ZNF790: variants seen among roughly 807,000 people sequenced by gnomAD.
ZNF790 encodes zinc finger protein 790.
A neutral mutation model predicts 12.1 loss-of-function variants in ZNF790; 8 were observed. That is an observed-to-expected ratio of 0.66 (90% CI 0.39 to 1.19). The LOEUF (loss-of-function observed/expected upper bound fraction) is 1.19. Ranked by LOEUF, ZNF790 falls within the 50% of genes most tolerant of loss-of-function variation. The pLI is 0.01. For synonymous variants in ZNF790, 252 were observed against 244.3 expected (o/e 1.03, Z -0.29); for missense variants, 707 against 752.2 (o/e 0.94, Z 0.70).
chr19:36,837,920 G>T (rs537776182), intron 1 of ZNF790: 2 of 152,312 alleles, frequency 1.3e-5, no homozygotes, highest in South Asian at 4.1e-4. Flanking sequence ...CATTCACGAA[G>T]GACTATGCCT....
Position 36,818,606 on chromosome 19 carries a change from G to A in ZNF790, c.1738C>T (p.Gln580Ter), listed in dbSNP as rs546149541. 1.2e-6 allele frequency: 2 copies of A among 1,610,870 alleles called. No individual in the cohort carries two copies. The highest frequency in any genetic ancestry group is 1.7e-5 in the Admixed American group (1 of 59,610). The change falls in exon 5 of 5, where the codon CAA (glutamine) becomes TAA (stop). Residue 580 changes from glutamine to a stop codon, truncating the protein, a stop_gained. Coordinates refer to ENST00000356725, the MANE Select transcript of ZNF790 (RefSeq NM_206894.4). LOFTEE classifies it low-confidence loss of function (END_TRUNC). Reference protein sequence around the residue: ...IFSHHSYFTEQKIHNSANLCE... With the variant: ...IFSHHSYFTE Reference sequence around the variant, plus strand: ...AGATTTGCACTATTATGAATTTTTTGTTCAGTAAAATATGAATGGTGACTA... The same window carrying A: ...AGATTTGCACTATTATGAATTTTTTATTCAGTAAAATATGAATGGTGACTA...
intron 2 of ZNF790, among the ~76,000 whole-genome samples, chr19:36,824,329 C>CA (rs1454151654): frequency 3.3e-5 from 5 of 150,600 alleles, no homozygotes; most frequent in African/African-American, 1.2e-4. Flanking sequence ...TTTTACGAGA[C>CA]AGAGTGTTGC....
intron 4 of ZNF790, among the ~76,000 whole-genome samples, chr19:36,820,920 T>C (rs2071655288): frequency 6.6e-6 from 1 of 150,450 alleles, no homozygotes; most frequent in Non-Finnish European, 1.5e-5. Flanking sequence ...TTTAATACTT[T>C]GAGTTTTAGG....
Position 36,823,303 on chromosome 19 carries a change from T to C in ZNF790, c.211A>G (p.Thr71Ala). The stretch of plus-strand genomic sequence containing the variant: ...CACTCACCTGGGCAAGGTCCTCTTG[T>C]CTCATCCCTCAAAATCTTCCAGGGC... ...KEPWKILRDE[T>A]RGPCPDMQSR... Residue 71 changes from threonine to alanine, a missense_variant, in exon 4 of 5, where the codon ACA becomes GCA. Physicochemically the swap from Thr to Ala is moderately conservative, Grantham distance 58. Coordinates refer to ENST00000356725, the MANE Select transcript of ZNF790 (RefSeq NM_206894.4). 1 of 1,614,054 alleles carries C rather than the reference T, an allele frequency of 6.2e-7. No individual in the cohort carries two copies. Among genetic ancestry groups the C allele is most frequent in the East Asian group, 2.2e-5 (1 of 44,858 alleles).
chr19:36,818,277 T>G lies in ZNF790; in HGVS notation c.*156A>C. On this transcript the variant is annotated 3_prime_UTR_variant, in exon 5 of 5. Coordinates refer to ENST00000356725, the MANE Select transcript of ZNF790 (RefSeq NM_206894.4). Reference sequence around the variant, plus strand: ...TTCCTATATTGATTGCATGATGAATTCTCTGCTGCTGCTGCTGCTGCTGCT... The same window carrying G: ...TTCCTATATTGATTGCATGATGAATGCTCTGCTGCTGCTGCTGCTGCTGCT... The G allele has an allele frequency of 1.9e-6, 1 of 535,570 alleles. No homozygotes were observed. Among genetic ancestry groups the G allele is most frequent in the Non-Finnish European group, 2.8e-6 (1 of 362,230 alleles). The allele number at this position is 535,570 out of a possible 1,614,324, so 33.2% of individuals were successfully genotyped here. A position where few individuals can be genotyped will look rare whatever the true frequency, so the allele number is the denominator to read the frequency against.
At chr19:36,827,565 C>T (rs932807421) in intron 1 of ZNF790, 5 of 153,148 alleles carry the variant, frequency 3.3e-5, no homozygotes, top group African/African-American at 4.8e-5. Flanking sequence ...AAGGGGCTCA[C>T]ACAACCTGTT....
At chr19:36,823,233 G>A in intron 4 of ZNF790, 52 bp downstream of exon 4, 1 of 1,493,770 alleles carries the variant, frequency 6.7e-7, no homozygotes, top group Non-Finnish European at 9.3e-7. Context: ...CTGTGCAGCT[G>A]AGCTGTTATC....
intron 1 of ZNF790, among the ~76,000 whole-genome samples, chr19:36,834,170 G>A (rs2071995214): frequency 6.7e-6 from 1 of 149,910 alleles, no homozygotes; most frequent in South Asian, 2.1e-4. Context: ...TTGAACCGGG[G>A]AGGCAGAGCT....
chr19:36,832,994 A>T (rs2071972279), intron 1 of ZNF790, among the ~76,000 whole-genome samples: 1 of 148,336 alleles, frequency 6.7e-6, no homozygotes, highest in Non-Finnish European at 1.5e-5. Flanking sequence ...AAAAAAAATG[A>T]ATACAAATGT....
At chr19:36,823,430 A>G in intron 3 of ZNF790, 50 bp from the exon 4 acceptor site, 1 of 1,549,886 alleles carries the variant, frequency 6.5e-7, no homozygotes, top group Non-Finnish European at 8.8e-7. Context: ...AAGATTCTAA[A>G]ATTTGCAACT....
intron 1 of ZNF790, among the ~76,000 whole-genome samples, chr19:36,832,178 C>T (rs1240945327): frequency 1.3e-5 from 2 of 152,138 alleles, no homozygotes; most frequent in Non-Finnish European, 2.9e-5. Context: ...ATACTCCAGC[C>T]ACAAAAGAAC....
At chr19:36,836,630 A>T (rs1336429850) in intron 1 of ZNF790, among the ~76,000 whole-genome samples, 1 of 151,932 alleles carries the variant, frequency 6.6e-6, no homozygotes, top group African/African-American at 2.4e-5. Flanking sequence ...GGTGGCACGC[A>T]CCTGTAGTCC....
intron 1 of ZNF790, among the ~76,000 whole-genome samples, chr19:36,834,243 CAAAAAAAA>C (rs751627349): frequency 1.7e-4 from 6 of 34,884 alleles, no homozygotes; most frequent in African/African-American, 3.5e-4. Flanking sequence ...AACTCCATCT[CAAAAAAAA>C]AAAAAAAAAA....
chr19:36,848,276 C>G (rs1486075265), intron 1 of ZNF790, among the ~76,000 whole-genome samples: 1 of 152,178 alleles, frequency 6.6e-6, no homozygotes, highest in African/African-American at 2.4e-5. Flanking sequence ...CTGCCCTACC[C>G]CATGACTTCT....
At chr19:36,843,159 G>T (rs975909835), upstream of ZNF790, among the ~76,000 whole-genome samples, 1 of 152,194 alleles carries the variant, frequency 6.6e-6, no homozygotes, top group South Asian at 2.1e-4. Context: ...GATCCAGACT[G>T]CTAGGACTTT....
At chr19:36,835,944 A>T (rs1490129474) in intron 1 of ZNF790, among the ~76,000 whole-genome samples, 1 of 152,004 alleles carries the variant, frequency 6.6e-6, no homozygotes, top group Non-Finnish European at 1.5e-5. Context: ...CCCCATTTCA[A>T]GGTTCTTAAC....
At chr19:36,838,458 C>T (rs2072097038), upstream of ZNF790, 2 of 152,356 alleles carry the variant, frequency 1.3e-5, no homozygotes, top group Admixed American at 6.5e-5. This position sits in a 1 kb window ranked among gnomAD's most constrained non-coding sequence, Gnocchi z 4.4. Context: ...AGTCCGGAGC[C>T]TGGGCCGTCT....
intron 1 of ZNF790, among the ~76,000 whole-genome samples, chr19:36,826,228 C>G (rs1224338423): frequency 1.3e-5 from 2 of 151,944 alleles, no homozygotes; most frequent in African/African-American, 4.8e-5. Flanking sequence ...TGAAGGGAAC[C>G]CAAAGATGGA....
chr19:36,833,451 G>A (rs2071981974), intron 1 of ZNF790, among the ~76,000 whole-genome samples: 1 of 152,058 alleles, frequency 6.6e-6, no homozygotes, highest in Non-Finnish European at 1.5e-5. Context: ...CCTGTACAAT[G>A]TCTTTATATT....
Sources: allele counts gnomAD v4.1 joint callset (sites outside exome capture counted in the v4.1 genomes callset), GRCh38; gene constraint gnomAD v4.1.1; non-coding constraint Gnocchi (gnomAD v3.1); transcripts MANE v1.5; gene names NCBI Gene and HGNC (gene_info 2026-07-23, HGNC 2026-07-21).